The following PNLIPRP3 variants were observed in gnomAD, a reference collection of about 807,000 sequenced individuals.
PNLIPRP3 encodes the protein pancreatic lipase related protein 3.
In PNLIPRP3, 58 loss-of-function variants were observed where a neutral mutation model predicts 52.8. That is an observed-to-expected ratio of 1.10 (90% CI 0.89 to 1.37). PNLIPRP3 has a LOEUF of 1.37. Ranked by LOEUF, PNLIPRP3 falls within the 40% of genes most tolerant of loss-of-function variation. PNLIPRP3 has a pLI of 0.00. For missense variants in PNLIPRP3, 593 were observed against 561.6 expected (o/e 1.06, Z -0.57); for synonymous variants, 192 against 185.0 (o/e 1.04, Z -0.31).
intron 1 of PNLIPRP3, 107 bp downstream of exon 1, chr10:116,428,168 ATTC>A (rs1381788028): frequency 2.3e-5 from 18 of 780,282 alleles, no homozygotes; most frequent in African/African-American, 3.6e-5. Context: ...TGCTAATTTC[ATTC>A]TTAAGTAGTT....
At chr10:116,469,164 C>T in intron 8 of PNLIPRP3, 21 bp from the exon 9 acceptor site, 1 of 1,605,636 alleles carries the variant, frequency 6.2e-7, no homozygotes, top group East Asian at 2.2e-5. Context: ...TAAGTAATCA[C>T]CTTTCATTTT....
chr10:116,453,087 G>A (rs1439592993), intron 4 of PNLIPRP3, among the ~76,000 whole-genome samples: 4 of 152,226 alleles, frequency 2.6e-5, no homozygotes, highest in African/African-American at 9.6e-5. Context: ...CAGGGGCAGG[G>A]CTGCCCAAGG....
intron 2 of PNLIPRP3, chr10:116,439,514 T>G: frequency 1.3e-6 from 1 of 784,046 alleles, no homozygotes; most frequent in Non-Finnish European, 2.2e-6. Context: ...CCTCTTCCAC[T>G]TTTTTCCGGG....
chr10:116,455,798 G>A lies in PNLIPRP3; in HGVS notation c.533G>A (p.Gly178Glu). 6.2e-7 allele frequency: 1 copy of A among 1,614,040 alleles called. No individual in the cohort carries two copies. The highest frequency in any genetic ancestry group is 8.5e-7 in the Non-Finnish European group (1 of 1,179,980). The change falls in exon 5 of 12, where the codon GGG (glycine) becomes GAG (glutamate). Residue 178 changes from glycine to glutamate, a missense_variant. Gly to Glu is a moderately conservative substitution (Grantham distance 98). Coordinates refer to ENST00000369230, the MANE Select transcript of PNLIPRP3 (RefSeq NM_001011709.3). ...SLGAHLAGEA[G>E]SRIPGLGRIT... is the part of the protein sequence containing the mutation. ...GGAGCACACCTGGCTGGGGAAGCTG[G>A]GTCAAGGATACCAGGCCTTGGAAGA... is the stretch of plus-strand genomic sequence containing the variant.
At chr10:116,467,258 G>A (rs918271016) in intron 8 of PNLIPRP3, among the ~76,000 whole-genome samples, 1 of 152,088 alleles carries the variant, frequency 6.6e-6, no homozygotes, top group Non-Finnish European at 1.5e-5. Context: ...AGCCAGCTGT[G>A]GCATGCACCT....
At chr10:116,458,845 C>G (rs1199053113) in intron 5 of PNLIPRP3, among the ~76,000 whole-genome samples, 2 of 152,094 alleles carry the variant, frequency 1.3e-5, no homozygotes, top group African/African-American at 4.8e-5. Flanking sequence ...GATGCCCTAG[C>G]CTATTGCATT....
rs77153477 is a variant in PNLIPRP3 at position 116,461,496 on chromosome 10, T to C, written c.808+206T>C. On this transcript the variant is annotated intron_variant, in intron 7 of 11. Transcript: ENST00000369230. ...CATTAACTTTGTATCCCTGGTGCCT[T>C]ATCAATCTCTAGCATATTGCAGTCA... 5.0e-3 allele frequency among the ~76,000 whole-genome samples: 767 copies of C among 152,300 alleles called. 5 individuals carry two copies. The highest frequency in any genetic ancestry group is 0.018 in the African/African-American group (742 of 41,556).
intron 2 of PNLIPRP3, among the ~76,000 whole-genome samples, chr10:116,438,838 A>G (rs1845816494): frequency 6.6e-6 from 1 of 152,194 alleles, no homozygotes; most frequent in African/African-American, 2.4e-5. Flanking sequence ...GACACTTATA[A>G]AGAAACATTC....
chr10:116,476,687 T>C lies in PNLIPRP3; in HGVS notation c.1208T>C (p.Leu403Ser), dbSNP rs1846472524. The part of the protein sequence containing the change: ...KLEPGMTYTK[L>S]IDADVNVGNI... The stretch of plus-strand genomic sequence containing the variant: ...GAGCCAGGCATGACTTACACAAAAT[T>C]AATCGATGCAGATGTTAACGTTGGA... Residue 403 changes from leucine to serine, a missense_variant, in exon 11 of 12, where the codon TTA (leucine) becomes TCA (serine). Coordinates refer to ENST00000369230, the MANE Select transcript of PNLIPRP3 (RefSeq NM_001011709.3). The C allele has an allele frequency of 6.3e-7, 1 of 1,586,950 alleles. No individual in the cohort carries two copies. The highest frequency in any genetic ancestry group is 8.5e-7 in the Non-Finnish European group (1 of 1,171,316).
intron 8 of PNLIPRP3, among the ~76,000 whole-genome samples, chr10:116,468,274 A>T (rs764695): frequency 0.14 from 20,962 of 152,088 alleles, 2,313 homozygotes; most frequent in African/African-American, 0.3. Context: ...TTTATTAGAC[A>T]TTACCAAATC....
In PNLIPRP3 at chr10:116,457,623, A is replaced by G. The variant is rs1271560320; in HGVS notation, c.565+1793A>G. On this transcript the variant is annotated intron_variant, in intron 5 of 11. Transcript: ENST00000369230. ...AAAACTGAACTTTTTCACTGAAGTC[A>G]TTATGTGACCCTTTGTGGTCAATTT... 3.3e-5 allele frequency among the ~76,000 whole-genome samples: 5 copies of G among 152,126 alleles called. No individual in the cohort carries two copies. The East Asian group carries it at 9.7e-4, about 29-fold the overall frequency.
chr10:116,471,784 G>A lies in PNLIPRP3; in HGVS notation c.1077G>A (p.Leu359=), dbSNP rs1178762548. 8 of 1,610,050 alleles carry A rather than the reference G, an allele frequency of 5.0e-6. No individual in the cohort carries two copies. Among genetic ancestry groups the A allele is most frequent in the Non-Finnish European group, 6.8e-6 (8 of 1,176,832 alleles). Residue 359 remains leucine (L), a synonymous_variant, in exon 10 of 12, where the codon TTG becomes TTA. Coordinates refer to ENST00000369230, the MANE Select transcript of PNLIPRP3 (RefSeq NM_001011709.3). ...LSPFARWRHK[L]SVKLSGSEVT... The stretch of plus-strand genomic sequence containing the variant: ...TATATCTAGGTTGGAGGCACAAATT[G>A]TCTGTTAAACTCAGTGGAAGCGAAG...
At chr10:116,447,283 A>G (rs1845966179) in intron 4 of PNLIPRP3, among the ~76,000 whole-genome samples, 1 of 152,192 alleles carries the variant, frequency 6.6e-6, no homozygotes, top group African/African-American at 2.4e-5. Context: ...TTGGACCAGC[A>G]CAAAGTTTTG....
Position 116,476,837 on chromosome 10 carries a change from C to G in PNLIPRP3, c.1340+18C>G, listed in dbSNP as rs529660788. The G allele has an allele frequency of 1.9e-6, 3 of 1,554,456 alleles. No individual in the cohort carries two copies. The highest frequency in any genetic ancestry group is 2.6e-6 in the Non-Finnish European group (3 of 1,150,582). Reference sequence around the variant, plus strand: ...GGATATAAGTAAGTATTGCTTTTTCCTTTTCATTTTCGTAGTTTACATTTT... The same window carrying G: ...GGATATAAGTAAGTATTGCTTTTTCGTTTTCATTTTCGTAGTTTACATTTT... On this transcript the variant is annotated intron_variant, in intron 11 of 11. Coordinates refer to ENST00000369230, the MANE Select transcript of PNLIPRP3 (RefSeq NM_001011709.3).
At chr10:116,446,411 T>C (rs890881414) in intron 4 of PNLIPRP3, among the ~76,000 whole-genome samples, 1 of 150,412 alleles carries the variant, frequency 6.6e-6, no homozygotes, top group African/African-American at 2.5e-5. Flanking sequence ...CTAATGACCA[T>C]GTAGCATTCA....
intron 4 of PNLIPRP3, among the ~76,000 whole-genome samples, chr10:116,454,816 G>A (rs141135174): frequency 0.011 from 1,649 of 152,182 alleles, 94 homozygotes; most frequent in Admixed American, 0.096. Context: ...TCCATATTTC[G>A]GCTATTGAGA....
At chr10:116,434,316 T>C (rs2133110259) in intron 1 of PNLIPRP3, among the ~76,000 whole-genome samples, 1 of 152,320 alleles carries the variant, frequency 6.6e-6, no homozygotes, top group South Asian at 2.1e-4. Context: ...CTTTTTTCCA[T>C]TACAGATATT....
chr10:116,431,921 C>T (rs564493563), intron 1 of PNLIPRP3, among the ~76,000 whole-genome samples: 10 of 152,210 alleles, frequency 6.6e-5, no homozygotes, highest in African/African-American at 1.4e-4. Flanking sequence ...TCCTCTCCCC[C>T]CCAGGTCTTG....
At chr10:116,462,722 A>G (rs1846211221) in intron 7 of PNLIPRP3, among the ~76,000 whole-genome samples, 1 of 152,198 alleles carries the variant, frequency 6.6e-6, no homozygotes, top group Non-Finnish European at 1.5e-5. Context: ...TATTACGACT[A>G]TGAATCCTTT....
Sources: allele counts gnomAD v4.1 joint callset (sites outside exome capture counted in the v4.1 genomes callset), GRCh38; gene constraint gnomAD v4.1.1; transcripts MANE v1.5; gene names NCBI Gene and HGNC (gene_info 2026-07-23, HGNC 2026-07-21).